GRIN1: variants seen among roughly 807,000 people sequenced by gnomAD.
The protein encoded by GRIN1 is glutamate receptor ionotropic, NMDA 1.
A neutral mutation model predicts 103.0 loss-of-function variants in GRIN1; 38 were observed. The observed-to-expected ratio is 0.37, with a 90% CI of 0.28 to 0.48. GRIN1 has a LOEUF of 0.48. GRIN1 is among the 20% of genes least tolerant of loss of function. GRIN1 has a pLI of 0.98. For missense variants in GRIN1, 577 were observed against 1,288.9 expected, an observed-to-expected ratio of 0.45 and a Z score of 8.46; for synonymous variants, 544 against 532.7, an observed-to-expected ratio of 1.02 and a Z score of -0.29.
At position 137,168,559 on chromosome 9, in the gene GRIN1, C is replaced by A; in HGVS notation, c.*1032C>A. 3.7e-6 allele frequency: 1 copy of A among 273,758 alleles called. No individual in the cohort carries two copies. The highest frequency in any genetic ancestry group is 6.8e-6 in the Non-Finnish European group (1 of 147,752). The allele number at this position is 273,758 out of a possible 1,614,324, so 17.0% of individuals were successfully genotyped here. The stretch of plus-strand genomic sequence containing the variant: ...GGCACGGGAGAGCGCCACCCGCCCG[C>A]CCCCGCCCTCGCTCCGGGTGCGTGA... On this transcript the variant is annotated 3_prime_UTR_variant, in exon 20 of 20. Transcript: ENST00000371561.
intron 15 of GRIN1, 45 bp downstream of exon 15, chr9:137,163,048 G>T: frequency 7.7e-6 from 12 of 1,551,372 alleles, no homozygotes; most frequent in Non-Finnish European, 1.0e-5. Flanking sequence ...CAGGTGCGGG[G>T]AGGGGGAGGG....
chr9:137,158,266 A>T, intron 6 of GRIN1, 113 bp from the exon 7 acceptor site: 1 of 1,185,354 alleles, frequency 8.4e-7, no homozygotes, highest in Non-Finnish European at 1.2e-6. Flanking sequence ...CAGGAGAAGG[A>T]GCAGGGAGAA....
intron 4 of GRIN1, among the ~76,000 whole-genome samples, chr9:137,153,235 TACC>T (rs1833013125): frequency 7.5e-6 from 1 of 132,976 alleles, no homozygotes; most frequent in Non-Finnish European, 1.6e-5. Context: ...ACATGCCACA[TACC>T]ACGTGTACAC....
intron 4 of GRIN1, among the ~76,000 whole-genome samples, chr9:137,150,233 G>GA (rs1564350078): frequency 6.6e-6 from 1 of 152,120 alleles, no homozygotes; most frequent in Admixed American, 6.5e-5. Flanking sequence ...TGGGCTCCAG[G>GA]AAAAAAGATT....
At chr9:137,165,463 C>G in intron 19 of GRIN1, 167 bp downstream of exon 19, 1 of 659,130 alleles carries the variant, frequency 1.5e-6, no homozygotes, top group East Asian at 2.7e-5. Context: ...CTCTCTCTCA[C>G]TCTCTGGACC....
Position 137,162,190 on chromosome 9 carries a change from C to A in GRIN1, c.1651C>A (p.Leu551Met). ...TCCGCAGGAGATTCCCCGGAGCACG[C>A]TGGACTCGTTCATGCAGCCGTTCCA... The part of the protein sequence containing the change: ...LVKKEIPRST[L>M]DSFMQPFQST... Residue 551 changes from leucine (L) to methionine (M), a missense_variant, in exon 12 of 20, where the codon CTG becomes ATG. Coordinates refer to ENST00000371561, the MANE Select transcript of GRIN1 (RefSeq NM_007327.4). The A allele has an allele frequency of 6.5e-7, 1 of 1,544,648 alleles. No individual in the cohort carries two copies. Among genetic ancestry groups the A allele is most frequent in the Non-Finnish European group, 8.7e-7 (1 of 1,148,994 alleles).
chr9:137,165,230 C>T lies in GRIN1; in HGVS notation c.2634C>T (p.Ala878=), dbSNP rs1191451475. The change falls in exon 19 of 20, where the codon GCC becomes GCT. Residue 878 remains alanine, a synonymous_variant. Transcript: ENST00000371561. The part of the protein sequence containing the change: ...GRAEPDPKKK[A]TFRAITSTLA... ...CAGAGCCTGACCCTAAAAAGAAAGC[C>T]ACATTTAGGGCTATCACCTCCACCC... The T allele has an allele frequency of 6.2e-7, 1 of 1,612,658 alleles. No homozygotes were observed. The highest frequency in any genetic ancestry group is 1.7e-5 in the Admixed American group (1 of 60,030).
chr9:137,157,719 C>T (rs1475044138), intron 6 of GRIN1, among the ~76,000 whole-genome samples: 1 of 152,234 alleles, frequency 6.6e-6, no homozygotes, highest in Non-Finnish European at 1.5e-5. Flanking sequence ...AGCTCACCCC[C>T]AGATCCCCAA....
intron 6 of GRIN1, 75 bp from the exon 7 acceptor site, chr9:137,158,304 C>G (rs567476209): frequency 1.3e-6 from 2 of 1,500,348 alleles, no homozygotes; most frequent in Non-Finnish European, 9.3e-7. Flanking sequence ...CAGGGAGAAG[C>G]AGCAGGGGGA....
At chr9:137,150,613 G>GA (rs1186013356) in intron 4 of GRIN1, among the ~76,000 whole-genome samples, 5 of 118,634 alleles carry the variant, frequency 4.2e-5, no homozygotes, top group Admixed American at 8.5e-5. Context: ...CCAGATAAAA[G>GA]CCCGCCCAGG....
At chr9:137,163,476 G>GGCC in intron 16 of GRIN1, 83 bp from the exon 17 acceptor site, 2 of 1,338,058 alleles carry the variant, frequency 1.5e-6, no homozygotes, top group Non-Finnish European at 2.1e-6. Context: ...TACCCCGCAG[G>GGCC]CCCCGCCCCG....
chr9:137,165,112 C>T, intron 18 of GRIN1, 74 bp from the exon 19 acceptor site: 1 of 1,070,444 alleles, frequency 9.3e-7, no homozygotes, highest in East Asian at 2.4e-5. Context: ...TGGGCAGCGG[C>T]CCATGCAGGA....
chr9:137,145,774 T>C lies in GRIN1; in HGVS notation c.442T>C (p.Ser148Pro). Reference protein sequence around the residue: ...LRTVPPYSHQSSVWFEMMRVY... With the variant: ...LRTVPPYSHQPSVWFEMMRVY... ...CACCGTGCCGCCCTACTCCCACCAGTCCAGCGTGTGGTTTGAGATGATGCG... is the reference window on the plus strand; with the variant it reads ...CACCGTGCCGCCCTACTCCCACCAGCCCAGCGTGTGGTTTGAGATGATGCG... Residue 148 changes from serine (S) to proline (P), a missense_variant, in exon 3 of 20, where the codon TCC (serine) becomes CCC (proline). This residue lies in a region of GRIN1 where 308 missense variants were observed against 553.6 expected (regional missense o/e 0.56). Transcript: ENST00000371561. 6.2e-7 allele frequency: 1 copy of C among 1,613,508 alleles called. No individual in the cohort carries two copies. The highest frequency in any genetic ancestry group is 8.5e-7 in the Non-Finnish European group (1 of 1,179,630).
chr9:137,158,610 C>A lies in GRIN1; in HGVS notation c.1114-11C>A. ...GCGTGGCCACCCTCCATCTCATACTCCCACCCCCAGGTCATCCCTAATGAC... is the reference window on the plus strand; with the variant it reads ...GCGTGGCCACCCTCCATCTCATACTACCACCCCCAGGTCATCCCTAATGAC... On this transcript the variant is annotated splice_polypyrimidine_tract_variant and intron_variant, in intron 7 of 19. Transcript: ENST00000371561. 6.2e-7 allele frequency: 1 copy of A among 1,612,036 alleles called. No homozygotes were observed. Among genetic ancestry groups the A allele is most frequent in the South Asian group, 1.1e-5 (1 of 91,062 alleles).
At chr9:137,143,145 G>A (rs887630882) in intron 2 of GRIN1, among the ~76,000 whole-genome samples, 7 of 152,244 alleles carry the variant, frequency 4.6e-5, no homozygotes, top group African/African-American at 1.7e-4. Context: ...CAGAGGGCTG[G>A]GCTGTGCAGC....
Position 137,162,167 on chromosome 9 carries a change from C to A in GRIN1, c.1633-5C>A. ...GGGCCGCGCTGACCTCGCGTCCCTC[C>A]GCAGGAGATTCCCCGGAGCACGCTG... On this transcript the variant is annotated splice_polypyrimidine_tract_variant and splice_region_variant and intron_variant, in intron 11 of 19. Coordinates refer to ENST00000371561, the MANE Select transcript of GRIN1 (RefSeq NM_007327.4). 6.5e-7 allele frequency: 1 copy of A among 1,544,544 alleles called. No homozygotes were observed. Among genetic ancestry groups the A allele is most frequent in the Non-Finnish European group, 8.7e-7 (1 of 1,147,540 alleles).
rs747962834 is a variant in GRIN1, at chr9:137,161,177, A to C, written c.1319A>C (p.Asn440Thr). 1.3e-5 allele frequency: 21 copies of C among 1,610,854 alleles called. 1 individual carries two copies. The South Asian group carries it at 2.2e-4, about 17-fold the overall frequency. Reference protein sequence around the residue: ...PVKKVICTGPNDTSPGSPRHT... With the variant: ...PVKKVICTGPTDTSPGSPRHT... ...AAGAAGGTGATCTGCACCGGGCCCA[A>C]CGACACGTCGCCGGGCAGCCGTGAG... The change falls in exon 9 of 20, where the codon AAC becomes ACC. Residue 440 changes from asparagine (N) to threonine (T), a missense_variant. Asn to Thr is a moderately conservative substitution (Grantham distance 65, BLOSUM62 0). This residue lies in a region of GRIN1 where 96 missense variants were observed against 145.0 expected (regional missense o/e 0.66). Coordinates refer to ENST00000371561, the MANE Select transcript of GRIN1 (RefSeq NM_007327.4).
intron 3 of GRIN1, among the ~76,000 whole-genome samples, chr9:137,147,002 T>C (rs1341449752): frequency 4.0e-4 from 7 of 17,498 alleles, no homozygotes; most frequent in South Asian, 2.0e-3. Context: ...CTCACCCCAG[T>C]GCCCGACAGG....
intron 2 of GRIN1, among the ~76,000 whole-genome samples, chr9:137,144,707 G>T (rs1832398574): frequency 6.8e-6 from 1 of 146,782 alleles, no homozygotes; most frequent in African/African-American, 2.6e-5. Context: ...GGGGGTCCCA[G>T]GGTCTAGAAA....
Sources: gnomAD v4.1 joint callset for allele counts (sites outside exome capture counted in the v4.1 genomes callset) on GRCh38, gnomAD v4.1.1 for gene constraint, gnomAD v4.1.1 regional missense constraint, MANE v1.5 for transcripts, NCBI Gene and HGNC (gene_info 2026-07-23, HGNC 2026-07-21) for gene names.